Variants in MBNL2 observed in about 807,000 individuals in gnomAD.
The protein encoded by MBNL2 is muscleblind-like protein 2.
In MBNL2, 17 loss-of-function variants were observed where a neutral mutation model predicts 41.9. The ratio of observed to expected loss-of-function variants is 0.41; its 90% CI spans 0.28 to 0.61. The LOEUF is 0.61. Ranked by LOEUF, MBNL2 falls within the 20% of genes least tolerant of loss-of-function variation. The pLI, the probability that MBNL2 is intolerant of heterozygous loss-of-function variation, is 0.35. For missense variants in MBNL2, 336 were observed against 505.6 expected (o/e 0.66, Z 3.22); for synonymous variants, 195 against 182.9 (o/e 1.07, Z -0.53).
chr13:97,315,023 ATAAT>A (rs922874829), intron 2 of MBNL2, among the ~76,000 whole-genome samples: 1 of 151,046 alleles, frequency 6.6e-6, no homozygotes, highest in Non-Finnish European at 1.5e-5. Flanking sequence ...ATATATATAA[ATAAT>A]TTGTATTAAT....
intron 2 of MBNL2, among the ~76,000 whole-genome samples, chr13:97,315,746 C>G (rs1472489503): frequency 6.6e-6 from 1 of 152,108 alleles, no homozygotes; most frequent in Non-Finnish European, 1.5e-5. Context: ...AGGGCTTGGA[C>G]TGGAAAGGAA....
the MBNL2 span, among the ~76,000 whole-genome samples, chr13:97,162,752 C>T: frequency 6.6e-6 from 1 of 152,198 alleles, no homozygotes; most frequent in Non-Finnish European, 1.5e-5. Context: ...ATACTGCTCA[C>T]AGGAGTGTAA....
intron 2 of MBNL2, among the ~76,000 whole-genome samples, chr13:97,315,384 C>G (rs72637460): frequency 0.013 from 1,997 of 152,124 alleles, 26 homozygotes; most frequent in Non-Finnish European, 0.019. Flanking sequence ...AGGCACCGGG[C>G]TCTACATTAC....
rs575110804 is a variant in MBNL2, at chr13:97,298,827, G to A, written c.174+22418G>A. On this transcript the variant is annotated intron_variant, in intron 2 of 8. Transcript: ENST00000679496. The stretch of plus-strand genomic sequence containing the variant: ...CCGGAAAAGTACTAGAGGAATACAC[G>A]GCATTAAGGATTGCTTGTCCCTTGC... Among the ~76,000 whole-genome samples, 12 of 152,220 alleles carry A rather than the reference G, an allele frequency of 7.9e-5. No homozygotes were observed. The South Asian group carries it at 2.5e-3, about 32-fold the overall frequency.
At chr13:97,176,926 C>T in the MBNL2 span, among the ~76,000 whole-genome samples, 1 of 151,658 alleles carries the variant, frequency 6.6e-6, no homozygotes, top group East Asian at 1.9e-4. Flanking sequence ...GGTCCACAGA[C>T]AATAGAGAAA....
At chr13:97,208,211 T>C in the MBNL2 span, among the ~76,000 whole-genome samples, 1 of 152,230 alleles carries the variant, frequency 6.6e-6, no homozygotes, top group Non-Finnish European at 1.5e-5. Context: ...AAGTGGACAA[T>C]GTAGTATGCA....
At chr13:97,177,492 T>C in the MBNL2 span, among the ~76,000 whole-genome samples, 1 of 151,876 alleles carries the variant, frequency 6.6e-6, no homozygotes, top group Non-Finnish European at 1.5e-5. Flanking sequence ...TTTCAGAAGA[T>C]AAAGTCCAGG....
At chr13:97,237,393 A>G (rs1232771138) in intron 1 of MBNL2, among the ~76,000 whole-genome samples, 1 of 152,254 alleles carries the variant, frequency 6.6e-6, no homozygotes, top group Non-Finnish European at 1.5e-5. Context: ...AAAGAAATGT[A>G]TGAAAGATAG....
chr13:97,392,521 A>G lies in MBNL2; in HGVS notation c.*1072A>G, dbSNP rs1398823925. ...ATTCTTTCACCTTAAAGCATATTTT[A>G]TGTCTCAAAAGTATAAAAAACTTTA... On this transcript the variant is annotated 3_prime_UTR_variant, in exon 9 of 9. Coordinates refer to ENST00000679496, the MANE Select transcript of MBNL2 (RefSeq NM_001382683.1). The G allele has an allele frequency of 6.6e-6, 1 of 152,484 alleles. No individual in the cohort carries two copies. Among genetic ancestry groups the G allele is most frequent in the African/African-American group, 2.4e-5 (1 of 41,442 alleles). The allele number at this position is 152,484 out of a possible 1,614,324, so 9.4% of individuals were successfully genotyped here. A position where few individuals can be genotyped will look rare whatever the true frequency, so the allele number is the denominator to read the frequency against.
At chr13:97,153,951 A>T in the MBNL2 span, among the ~76,000 whole-genome samples, 1 of 152,190 alleles carries the variant, frequency 6.6e-6, no homozygotes, top group Non-Finnish European at 1.5e-5. Flanking sequence ...TCTTCCAATG[A>T]TGAGTTTCTA....
At chr13:97,345,657 T>G (rs2061774557) in intron 4 of MBNL2, among the ~76,000 whole-genome samples, 1 of 152,104 alleles carries the variant, frequency 6.6e-6, no homozygotes, top group African/African-American at 2.4e-5. Flanking sequence ...AAATGAAAAT[T>G]TTGGTGTCTT....
chr13:97,202,874 G>A, the MBNL2 span, among the ~76,000 whole-genome samples: 2 of 152,192 alleles, frequency 1.3e-5, no homozygotes, highest in Non-Finnish European at 2.9e-5. Flanking sequence ...ACAGTGGCTG[G>A]GTTTGAACTG....
chr13:97,142,261 TATTA>T, the MBNL2 span, among the ~76,000 whole-genome samples: 11 of 152,212 alleles, frequency 7.2e-5, no homozygotes, highest in Non-Finnish European at 1.6e-4. Context: ...AAAGATAAGG[TATTA>T]ATTCTGCATT....
chr13:97,301,746 G>C (rs1358029638), intron 2 of MBNL2, among the ~76,000 whole-genome samples: 2 of 152,182 alleles, frequency 1.3e-5, no homozygotes, highest in African/African-American at 2.4e-5. Context: ...AACCAGTTTA[G>C]ATGCGGGGTT....
chr13:97,357,411 AT>A, intron 6 of MBNL2, 70 bp from the exon 7 acceptor site: 2 of 1,288,654 alleles, frequency 1.6e-6, no homozygotes, highest in Non-Finnish European at 2.3e-6. Flanking sequence ...GTTGCAATTG[AT>A]GATCTCTGTG....
chr13:97,165,133 G>T, the MBNL2 span, among the ~76,000 whole-genome samples: 1 of 152,130 alleles, frequency 6.6e-6, no homozygotes, highest in African/African-American at 2.4e-5. Flanking sequence ...GAACCAGGAA[G>T]GTGGAGGTTG....
chr13:97,360,780 T>C (rs1266574010), intron 7 of MBNL2, among the ~76,000 whole-genome samples: 1 of 152,236 alleles, frequency 6.6e-6, no homozygotes, highest in Non-Finnish European at 1.5e-5. Context: ...GTTCATAGAA[T>C]TGGTGCCTAG....
the MBNL2 span, among the ~76,000 whole-genome samples, chr13:97,152,860 C>CA: frequency 6.6e-6 from 1 of 152,054 alleles, no homozygotes; most frequent in African/African-American, 2.4e-5. Flanking sequence ...TAATCAAGTA[C>CA]AGACAGGCAC....
At chr13:97,173,071 A>T in the MBNL2 span, among the ~76,000 whole-genome samples, 2 of 152,200 alleles carry the variant, frequency 1.3e-5, no homozygotes, top group Admixed American at 1.3e-4. Flanking sequence ...AGTGAGGAAG[A>T]AAAGGGATGT....
Sources: gnomAD v4.1 joint callset for allele counts (sites outside exome capture counted in the v4.1 genomes callset) on GRCh38, gnomAD v4.1.1 for gene constraint, MANE v1.5 for transcripts, NCBI Gene and HGNC (gene_info 2026-07-23, HGNC 2026-07-21) for gene names.